Variants in ATXN1 observed in about 807,000 individuals in gnomAD.
The protein encoded by ATXN1 is ataxin-1.
In ATXN1, 8 loss-of-function variants were observed where a neutral mutation model predicts 56.4. The observed-to-expected ratio is 0.14, with a 90% CI of 0.08 to 0.26. The LOEUF (loss-of-function observed/expected upper bound fraction) is 0.26, where lower values mean the gene tolerates loss of function less well. Ranked by LOEUF, ATXN1 falls within the 10% of genes least tolerant of loss-of-function variation. The pLI is 1.00. For synonymous variants in ATXN1, 514 were observed against 494.6 expected, an observed-to-expected ratio of 1.04 and a Z score of -0.52; for missense variants, 987 against 1,106.5, an observed-to-expected ratio of 0.89 and a Z score of 1.53.
chr6:16,444,898 G>T (rs1759601714), intron 6 of ATXN1, among the ~76,000 whole-genome samples: 1 of 152,114 alleles, frequency 6.6e-6, no homozygotes, highest in South Asian at 2.1e-4. Flanking sequence ...AATGCCTCTA[G>T]AACTTCCTAG....
At chr6:16,680,487 T>C (rs1442034998) in intron 2 of ATXN1, among the ~76,000 whole-genome samples, 1 of 152,186 alleles carries the variant, frequency 6.6e-6, no homozygotes, top group East Asian at 1.9e-4. Context: ...ACTGAGATAC[T>C]AACAAGCTGT....
At chr6:16,721,884 A>T (rs1484114657) in intron 2 of ATXN1, among the ~76,000 whole-genome samples, 1 of 152,200 alleles carries the variant, frequency 6.6e-6, no homozygotes, top group Non-Finnish European at 1.5e-5. Flanking sequence ...ATCTGATTGA[A>T]AGCTACAATC....
intron 3 of ATXN1, among the ~76,000 whole-genome samples, chr6:16,593,023 G>A (rs1323573106): frequency 6.6e-6 from 1 of 152,032 alleles, no homozygotes; most frequent in Non-Finnish European, 1.5e-5. Context: ...AGTACTGATT[G>A]GTGCATTTTA....
At chr6:16,307,402 C>T (rs1760274989) in intron 7 of ATXN1, among the ~76,000 whole-genome samples, 1 of 152,198 alleles carries the variant, frequency 6.6e-6, no homozygotes, top group African/African-American at 2.4e-5. Context: ...GGCACAGTGG[C>T]TCATGCCTGT....
At chr6:16,308,481 C>T (rs764714699) in intron 7 of ATXN1, among the ~76,000 whole-genome samples, 2 of 152,056 alleles carry the variant, frequency 1.3e-5, no homozygotes, top group Non-Finnish European at 2.9e-5. Flanking sequence ...GTTGGGAAAC[C>T]AAGTGGGCTT....
chr6:16,309,628 G>A lies in ATXN1; in HGVS notation c.1918-2769C>T, dbSNP rs146953420. Among the ~76,000 whole-genome samples the A allele has an allele frequency of 2.0e-3, 306 of 152,282 alleles. 2 individuals carry two copies. Among genetic ancestry groups the A allele is most frequent in the Non-Finnish European group, 3.5e-3 (241 of 68,002 alleles). On this transcript the variant is annotated intron_variant, in intron 7 of 7. Coordinates refer to ENST00000436367, the MANE Select transcript of ATXN1 (RefSeq NM_001128164.2). ...AATAAGACAGTTTCAAGAAGGCCTA[G>A]CCCCAAACAGGAAAAATAAACAAAA... is the stretch of plus-strand genomic sequence containing the variant.
At chr6:16,426,584 A>C (rs945902074) in intron 6 of ATXN1, among the ~76,000 whole-genome samples, 20 of 145,084 alleles carry the variant, frequency 1.4e-4, no homozygotes, top group African/African-American at 3.6e-4. Context: ...GGTGGGGCCG[A>C]GTGTGTGTGT....
At chr6:16,317,809 C>G (rs1215539181) in intron 7 of ATXN1, among the ~76,000 whole-genome samples, 3 of 152,100 alleles carry the variant, frequency 2.0e-5, no homozygotes, top group Non-Finnish European at 4.4e-5. Flanking sequence ...ATCTGCCTAC[C>G]CCTTCCTCCA....
chr6:16,708,480 T>C (rs1416927271), intron 2 of ATXN1, among the ~76,000 whole-genome samples: 1 of 152,132 alleles, frequency 6.6e-6, no homozygotes, highest in Non-Finnish European at 1.5e-5. Context: ...ACAATAAAAG[T>C]ATATATCAAA....
At chr6:16,564,187 C>T (rs1227967100) in intron 4 of ATXN1, among the ~76,000 whole-genome samples, 3 of 152,140 alleles carry the variant, frequency 2.0e-5, no homozygotes, top group Non-Finnish European at 4.4e-5. Flanking sequence ...GGCATTCATA[C>T]TTAGCAAAAG....
At chr6:16,581,588 G>T (rs1391231206) in intron 4 of ATXN1, among the ~76,000 whole-genome samples, 2 of 152,020 alleles carry the variant, frequency 1.3e-5, no homozygotes, top group African/African-American at 4.8e-5. Flanking sequence ...TGAGTGGAAG[G>T]GTACCAAATA....
chr6:16,458,379 T>C (rs1270140079), intron 6 of ATXN1, among the ~76,000 whole-genome samples: 1 of 152,206 alleles, frequency 6.6e-6, no homozygotes, highest in African/African-American at 2.4e-5. Context: ...CTCAAGCAGC[T>C]ATGGGAGGCC....
At chr6:16,655,888 G>A (rs541747926) in intron 3 of ATXN1, among the ~76,000 whole-genome samples, 41 of 151,794 alleles carry the variant, frequency 2.7e-4, no homozygotes, top group African/African-American at 9.4e-4. Flanking sequence ...TGAGGAGATC[G>A]AGACCATCCT....
At position 16,301,078 on chromosome 6, in the gene ATXN1, T is replaced by C. The variant is rs1194491834; in HGVS notation, c.*5251A>G. 1 of 123,438 alleles carries C rather than the reference T, an allele frequency of 8.1e-6. No individual in the cohort carries two copies. Among genetic ancestry groups the C allele is most frequent in the Non-Finnish European group, 1.6e-5 (1 of 60,624 alleles). The allele number at this position is 123,438 out of a possible 1,614,324, so 7.6% of individuals were successfully genotyped here. A position where few individuals can be genotyped will look rare whatever the true frequency, so the allele number is the denominator to read the frequency against. On this transcript the variant is annotated 3_prime_UTR_variant, in exon 8 of 8. Coordinates refer to ENST00000436367, the MANE Select transcript of ATXN1 (RefSeq NM_001128164.2). ...CAAAAAAACATGTAACTTTCAACCC[T>C]TCTCTGCTTTTTTTTTTTTACAAAC...
chr6:16,411,823 C>T (rs1758805831), intron 6 of ATXN1, among the ~76,000 whole-genome samples: 2 of 152,326 alleles, frequency 1.3e-5, no homozygotes, highest in South Asian at 4.1e-4. Flanking sequence ...CCTCTGAAGT[C>T]CAACATTATT....
intron 2 of ATXN1, among the ~76,000 whole-genome samples, chr6:16,723,717 T>G (rs1175046556): frequency 6.6e-6 from 1 of 152,112 alleles, no homozygotes; most frequent in East Asian, 1.9e-4. Context: ...AATAACATAG[T>G]GCACTTCCTT....
At chr6:16,495,351 C>T (rs555204659) in intron 5 of ATXN1, among the ~76,000 whole-genome samples, 5 of 152,248 alleles carry the variant, frequency 3.3e-5, no homozygotes, top group Admixed American at 3.3e-4. Flanking sequence ...CACAAAGTAC[C>T]AAACGGGGAG....
chr6:16,319,276 C>T (rs1185537992), intron 7 of ATXN1, among the ~76,000 whole-genome samples: 1 of 151,958 alleles, frequency 6.6e-6, no homozygotes, highest in African/African-American at 2.4e-5. Flanking sequence ...AAGAAATGAG[C>T]TATCAGAGCA....
chr6:16,714,999 AAG>A, intron 2 of ATXN1, among the ~76,000 whole-genome samples: 1 of 152,110 alleles, frequency 6.6e-6, no homozygotes, highest in South Asian at 2.1e-4. Flanking sequence ...TCATTACCTA[AAG>A]TGGACATACA....
Sources: gnomAD v4.1 joint callset for allele counts (sites outside exome capture counted in the v4.1 genomes callset) on GRCh38, gnomAD v4.1.1 for gene constraint, MANE v1.5 for transcripts, NCBI Gene and HGNC (gene_info 2026-07-23, HGNC 2026-07-21) for gene names.